Variants in ANKRD9 observed in about 807,000 individuals in gnomAD.
ANKRD9 encodes the protein ankyrin repeat domain-containing protein 9.
In ANKRD9, 13 loss-of-function variants were observed where a neutral mutation model predicts 19.2. The ratio of observed to expected loss-of-function variants is 0.68; its 90% CI spans 0.44 to 1.08. The LOEUF (loss-of-function observed/expected upper bound fraction) is 1.08, where lower values mean the gene tolerates loss of function less well. Ranked by LOEUF, ANKRD9 falls within the 50% of genes least tolerant of loss-of-function variation. The probability of loss-of-function intolerance (pLI) is 0.00; values close to 1 mark genes in which losing one functional copy is unlikely to be tolerated. For missense variants in ANKRD9, 518 were observed against 499.9 expected (o/e 1.04, Z -0.34); for synonymous variants, 278 against 256.8 (o/e 1.08, Z -0.79).
At position 102,503,581 on chromosome 14, in the gene ANKRD9, C is replaced by T. The variant is rs1470701121; in HGVS notation, c.*3355G>A. The T allele has an allele frequency of 1.3e-5, 2 of 152,194 alleles. No homozygotes were observed. Among genetic ancestry groups the T allele is most frequent in the Non-Finnish European group, 2.9e-5 (2 of 68,046 alleles). 9.4% of individuals were successfully genotyped at this position (152,194 alleles called of 1,614,324 possible). A position where few individuals can be genotyped will look rare whatever the true frequency, so the allele number is the denominator to read the frequency against. ...ACAGGTGTGAGCCACCGCGCCCAGC[C>T]TTTCCTTCCATCTTGATTGCAGTGG... On this transcript the variant is annotated 3_prime_UTR_variant, in exon 4 of 4. Transcript: ENST00000286918.
In ANKRD9 at chr14:102,505,079, A is replaced by C. The variant is rs1891549904; in HGVS notation, c.*1857T>G. ...AGGGGGCTAGCCCTGGGCCTCTGGCATTGTGGAGGCTGACCTATAGAGAAC... is the reference window on the plus strand; with the variant it reads ...AGGGGGCTAGCCCTGGGCCTCTGGCCTTGTGGAGGCTGACCTATAGAGAAC... On this transcript the variant is annotated 3_prime_UTR_variant, in exon 4 of 4. Transcript: ENST00000286918. The C allele has an allele frequency of 6.5e-6, 1 of 152,708 alleles. No homozygotes were observed. Among genetic ancestry groups the C allele is most frequent in the Non-Finnish European group, 1.5e-5 (1 of 68,452 alleles). The allele number at this position is 152,708 out of a possible 1,614,324, so 9.5% of individuals were successfully genotyped here.
chr14:102,507,669 T>A lies in ANKRD9; in HGVS notation c.221A>T (p.Glu74Val), dbSNP rs1238624458. ...RGRAAAYSPS[E>V]ALLYALVHDH... ...GTGCACGAGCGCGTAGAGCAGCGCC[T>A]CAGAGGGCGAGTAGGCGGCGGCGCG... The change falls in exon 4 of 4, where the codon GAG (glutamate) becomes GTG (valine). Residue 74 changes from glutamate to valine, a missense_variant. By Grantham distance (121) the Glu-to-Val change is moderately radical. Coordinates refer to ENST00000286918, the MANE Select transcript of ANKRD9 (RefSeq NM_152326.4). The surrounding 1 kb of genome is among the most constrained non-coding windows in gnomAD (Gnocchi z 9.2). The A allele has an allele frequency of 6.4e-7, 1 of 1,556,014 alleles. No individual in the cohort carries two copies. Among genetic ancestry groups the A allele is most frequent in the South Asian group, 1.1e-5 (1 of 87,346 alleles).
Position 102,507,921 on chromosome 14 carries a change from C to T in ANKRD9, c.-32G>A. ...GGCGGGGCGTTCCTGGGCCTCAAGG[C>T]ATGGATCCCGCGAAGGCACACCTGC... is the stretch of plus-strand genomic sequence containing the variant. On this transcript the variant is annotated 5_prime_UTR_variant, in exon 4 of 4. An upstream start codon of the reference 5' UTR is lost. Transcript: ENST00000286918. The surrounding 1 kb of genome is among the most constrained non-coding windows in gnomAD (Gnocchi z 9.2). 9.1e-7 allele frequency: 1 copy of T among 1,102,970 alleles called. No individual in the cohort carries two copies. The highest frequency in any genetic ancestry group is 4.3e-5 in the South Asian group (1 of 23,058). 68.3% of individuals were successfully genotyped at this position (1,102,970 alleles called of 1,614,324 possible).
In ANKRD9 at chr14:102,502,749, T is replaced by G. The variant is rs948316376; in HGVS notation, c.*4187A>C. On this transcript the variant is annotated 3_prime_UTR_variant, in exon 4 of 4. Transcript: ENST00000286918. ...CTAGCAGTGCTTGTATGCGTGCAGATGACGCACTCAGTCAGCGCCTTTACT... is the reference window on the plus strand; with the variant it reads ...CTAGCAGTGCTTGTATGCGTGCAGAGGACGCACTCAGTCAGCGCCTTTACT... 1 of 152,210 alleles carries G rather than the reference T, an allele frequency of 6.6e-6. No individual in the cohort carries two copies. The highest frequency in any genetic ancestry group is 1.5e-5 in the Non-Finnish European group (1 of 68,032). 9.4% of individuals were successfully genotyped at this position (152,210 alleles called of 1,614,324 possible). A position where few individuals can be genotyped will look rare whatever the true frequency, so the allele number is the denominator to read the frequency against.
Position 102,507,741 on chromosome 14 carries a change from A to T in ANKRD9, c.149T>A (p.Leu50Gln). The T allele has an allele frequency of 6.7e-7, 1 of 1,498,864 alleles. No individual in the cohort carries two copies. Among genetic ancestry groups the T allele is most frequent in the East Asian group, 2.6e-5 (1 of 38,022 alleles). The allele number at this position is 1,498,864 out of a possible 1,614,324, so 92.8% of individuals were successfully genotyped here. ...GGCCTCGCTGGCGCGCATATCCTCC[A>T]GCAGCCACACGGGTAGCAGGTCGCG... is the stretch of plus-strand genomic sequence containing the variant. ...AVRDLLPVWL[L>Q]EDMRASEAFH... The change falls in exon 4 of 4, where the codon CTG becomes CAG. Residue 50 changes from leucine (L) to glutamine (Q), a missense_variant. Transcript: ENST00000286918. This position sits in a 1 kb window ranked among gnomAD's most constrained non-coding sequence, Gnocchi z 9.2.
rs1453916643 is a variant in ANKRD9 at position 102,505,909 on chromosome 14, G to C, written c.*1027C>G. On this transcript the variant is annotated 3_prime_UTR_variant, in exon 4 of 4. Transcript: ENST00000286918. ...CCTCCTGCCCACGTTGGTGCGGGTT[G>C]AATTTGACGGCCCAGCAGAATTCCC... 2.6e-5 allele frequency: 4 copies of C among 152,260 alleles called. No homozygotes were observed. In the South Asian group the frequency reaches 8.3e-4, roughly 31 times the overall value. The allele number at this position is 152,260 out of a possible 1,614,324, so 9.4% of individuals were successfully genotyped here.
rs1370627121 is a variant in ANKRD9, at chr14:102,503,410, A to C, written c.*3526T>G. 2.7e-5 allele frequency: 4 copies of C among 149,300 alleles called. No homozygotes were observed. In the Admixed American group the frequency reaches 2.7e-4, roughly 10 times the overall value. 9.2% of individuals were successfully genotyped at this position (149,300 alleles called of 1,614,324 possible). A position where few individuals can be genotyped will look rare whatever the true frequency, so the allele number is the denominator to read the frequency against. On this transcript the variant is annotated 3_prime_UTR_variant, in exon 4 of 4. Coordinates refer to ENST00000286918, the MANE Select transcript of ANKRD9 (RefSeq NM_152326.4). Reference sequence around the variant, plus strand: ...GCAATTCTCCTGCCTCAGCCTCCTGAGTAGCTGGGAGTACAGGTGCCTGCC... The same window carrying C: ...GCAATTCTCCTGCCTCAGCCTCCTGCGTAGCTGGGAGTACAGGTGCCTGCC...
rs2139810304 is a variant in ANKRD9, at chr14:102,503,642, CA to C, written c.*3293del. 1 of 152,256 alleles carries C rather than the reference CA, an allele frequency of 6.6e-6. No homozygotes were observed. The highest frequency in any genetic ancestry group is 1.9e-4 in the East Asian group (1 of 5,182). 9.4% of individuals were successfully genotyped at this position (152,256 alleles called of 1,614,324 possible). A position where few individuals can be genotyped will look rare whatever the true frequency, so the allele number is the denominator to read the frequency against. On this transcript the variant is annotated 3_prime_UTR_variant, in exon 4 of 4. Transcript: ENST00000286918. ...CATGTAGACATTCATCAGAACTCATCAAAGTATACACTTAAGTCTGTGCATT... is the reference window on the plus strand; with the variant it reads ...CATGTAGACATTCATCAGAACTCATCAAGTATACACTTAAGTCTGTGCATT...
Position 102,504,546 on chromosome 14 carries a change from G to A in ANKRD9, c.*2390C>T, listed in dbSNP as rs1258181909. 6.5e-6 allele frequency: 1 copy of A among 152,748 alleles called. No homozygotes were observed. Among genetic ancestry groups the A allele is most frequent in the African/African-American group, 2.4e-5 (1 of 41,456 alleles). 9.5% of individuals were successfully genotyped at this position (152,748 alleles called of 1,614,324 possible). On this transcript the variant is annotated 3_prime_UTR_variant, in exon 4 of 4. Transcript: ENST00000286918. ...AGAAGACTGATAAGCTAAACCCAGG[G>A]CCTCCCTCGGCTGCTTATCTGCCCA...
In ANKRD9 at chr14:102,501,851, CT is replaced by C. The variant is rs1447360330; in HGVS notation, c.*5084del. ...GCCCTTCACAAAAGCAGAAGGAACA[CT>C]GGCCCAAACCCCCAGCACCCCGGAA... On this transcript the variant is annotated 3_prime_UTR_variant, in exon 4 of 4. Coordinates refer to ENST00000286918, the MANE Select transcript of ANKRD9 (RefSeq NM_152326.4). The C allele has an allele frequency of 6.6e-6, 1 of 152,226 alleles. No individual in the cohort carries two copies. Among genetic ancestry groups the C allele is most frequent in the Non-Finnish European group, 1.5e-5 (1 of 68,042 alleles). 9.4% of individuals were successfully genotyped at this position (152,226 alleles called of 1,614,324 possible).
Position 102,507,947 on chromosome 14 carries a change from G to C in ANKRD9, c.-53-5C>G. ...ATGGATCCCGCGAAGGCACACCTGC[G>C]GGGAAAGGAAGAGGCCACGGTGAGG... On this transcript the variant is annotated splice_region_variant and splice_polypyrimidine_tract_variant and intron_variant, in intron 3 of 3. Transcript: ENST00000286918. This position sits in a 1 kb window ranked among gnomAD's most constrained non-coding sequence, Gnocchi z 9.2. 1 of 1,093,868 alleles carries C rather than the reference G, an allele frequency of 9.1e-7. No individual in the cohort carries two copies. The allele number at this position is 1,093,868 out of a possible 1,614,324, so 67.8% of individuals were successfully genotyped here.
At position 102,507,894 on chromosome 14, in the gene ANKRD9, G is replaced by C. The variant is rs2139815416; in HGVS notation, c.-5C>G. ...CCGCCGCGCGTCCCACGGCATGCTG[G>C]CGGCGGGGCGTTCCTGGGCCTCAAG... On this transcript the variant is annotated 5_prime_UTR_variant, in exon 4 of 4. Coordinates refer to ENST00000286918, the MANE Select transcript of ANKRD9 (RefSeq NM_152326.4). This position sits in a 1 kb window ranked among gnomAD's most constrained non-coding sequence, Gnocchi z 9.2. 9.0e-7 allele frequency: 1 copy of C among 1,112,452 alleles called. No homozygotes were observed. The highest frequency in any genetic ancestry group is 1.1e-6 in the Non-Finnish European group (1 of 902,214). The allele number at this position is 1,112,452 out of a possible 1,614,324, so 68.9% of individuals were successfully genotyped here.
In ANKRD9 at chr14:102,502,616, TACTA is replaced by T. The variant is rs1328640278; in HGVS notation, c.*4316_*4319del. The T allele has an allele frequency of 6.6e-6, 1 of 152,248 alleles. No individual in the cohort carries two copies. Among genetic ancestry groups the T allele is most frequent in the Non-Finnish European group, 1.5e-5 (1 of 68,026 alleles). 9.4% of individuals were successfully genotyped at this position (152,248 alleles called of 1,614,324 possible). ...TTATACTACATTAAGGTTAAAAAAA[TACTA>T]AATTGTGTAACTGATCTGGTTTCAT... On this transcript the variant is annotated 3_prime_UTR_variant, in exon 4 of 4. Coordinates refer to ENST00000286918, the MANE Select transcript of ANKRD9 (RefSeq NM_152326.4).
At position 102,507,691 on chromosome 14, in the gene ANKRD9, C is replaced by T; in HGVS notation, c.199G>A (p.Ala67Thr). ...EAFHWDERGR[A>T]AAYSPSEALL... ...GCCTCAGAGGGCGAGTAGGCGGCGG[C>T]GCGCCCGCGCTCGTCCCAGTGGAAG... The change falls in exon 4 of 4, where the codon GCC becomes ACC. Residue 67 changes from alanine (A) to threonine (T), a missense_variant. Coordinates refer to ENST00000286918, the MANE Select transcript of ANKRD9 (RefSeq NM_152326.4). The surrounding 1 kb of genome is among the most constrained non-coding windows in gnomAD (Gnocchi z 9.2). 2 of 1,548,798 alleles carry T rather than the reference C, an allele frequency of 1.3e-6. No individual in the cohort carries two copies. Among genetic ancestry groups the T allele is most frequent in the Non-Finnish European group, 1.7e-6 (2 of 1,153,392 alleles).
Position 102,507,419 on chromosome 14 carries a change from C to T in ANKRD9, c.471G>A (p.Glu157=), listed in dbSNP as rs1453020368. The T allele has an allele frequency of 5.5e-5, 75 of 1,372,454 alleles. 1 individual carries two copies. In the Admixed American group the frequency reaches 8.9e-4, roughly 16 times the overall value. 85.0% of individuals were successfully genotyped at this position (1,372,454 alleles called of 1,614,324 possible). A position where few individuals can be genotyped will look rare whatever the true frequency, so the allele number is the denominator to read the frequency against. The part of the protein sequence containing the change: ...VLDRRGCSRV[E]GGGTSLHVAC... The stretch of plus-strand genomic sequence containing the variant: ...CCACGTGCAGCGACGTGCCACCGCC[C>T]TCCACGCGGCTGCAGCCACGCCGGT... Residue 157 remains glutamate, a synonymous_variant, in exon 4 of 4, where the codon GAG becomes GAA. Coordinates refer to ENST00000286918, the MANE Select transcript of ANKRD9 (RefSeq NM_152326.4). This position sits in a 1 kb window ranked among gnomAD's most constrained non-coding sequence, Gnocchi z 9.2.
intron 1 of ANKRD9, 190 bp from the exon 2 acceptor site, chr14:102,509,036 G>A (rs1891702592): frequency 6.6e-6 from 1 of 152,316 alleles, no homozygotes; most frequent in Non-Finnish European, 1.5e-5. Context: ...TAAGCCCTTG[G>A]TCACAAGGGG....
Position 102,507,373 on chromosome 14 carries a change from C to A in ANKRD9, c.517G>T (p.Glu173Ter). The A allele has an allele frequency of 1.5e-6, 2 of 1,329,922 alleles. No homozygotes were observed. Among genetic ancestry groups the A allele is most frequent in the Non-Finnish European group, 1.9e-6 (2 of 1,038,390 alleles). 82.4% of individuals were successfully genotyped at this position (1,329,922 alleles called of 1,614,324 possible). ...LHVACELARP[E>*]CLFLLLGHGA... ...TGGCCCAGCAGCAGGAAGAGGCACT[C>A]GGGGCGCGCCAGCTCACAGGCCACG... is the stretch of plus-strand genomic sequence containing the variant. Residue 173 changes from glutamate (E) to a stop codon, truncating the protein, a stop_gained, in exon 4 of 4, where the codon GAG (glutamate) becomes TAG (stop). Coordinates refer to ENST00000286918, the MANE Select transcript of ANKRD9 (RefSeq NM_152326.4). LOFTEE classifies it high-confidence loss of function. This position sits in a 1 kb window ranked among gnomAD's most constrained non-coding sequence, Gnocchi z 9.2.
rs1401809462 is a variant in ANKRD9 at position 102,508,009 on chromosome 14, G to A, written c.-53-67C>T. On this transcript the variant is annotated intron_variant, in intron 3 of 3. Transcript: ENST00000286918. This position sits in a 1 kb window ranked among gnomAD's most constrained non-coding sequence, Gnocchi z 6.2. ...TGGGGAGGCCCGGGGACTCCCCTCT[G>A]CCCCTCACACAGCCCCTCCGGTCCT... The A allele has an allele frequency of 2.9e-6, 3 of 1,017,368 alleles. No homozygotes were observed. Among genetic ancestry groups the A allele is most frequent in the Non-Finnish European group, 3.6e-6 (3 of 834,702 alleles). The allele number at this position is 1,017,368 out of a possible 1,614,324, so 63.0% of individuals were successfully genotyped here.
Position 102,503,634 on chromosome 14 carries a change from G to C in ANKRD9, c.*3302C>G, listed in dbSNP as rs180714687. 1 of 152,208 alleles carries C rather than the reference G, an allele frequency of 6.6e-6. No individual in the cohort carries two copies. The highest frequency in any genetic ancestry group is 6.5e-5 in the Admixed American group (1 of 15,290). 9.4% of individuals were successfully genotyped at this position (152,208 alleles called of 1,614,324 possible). A position where few individuals can be genotyped will look rare whatever the true frequency, so the allele number is the denominator to read the frequency against. The stretch of plus-strand genomic sequence containing the variant: ...ATTACACACATGTAGACATTCATCA[G>C]AACTCATCAAAGTATACACTTAAGT... On this transcript the variant is annotated 3_prime_UTR_variant, in exon 4 of 4. Coordinates refer to ENST00000286918, the MANE Select transcript of ANKRD9 (RefSeq NM_152326.4).
Sources: allele counts gnomAD v4.1 joint callset, GRCh38; gene constraint gnomAD v4.1.1; non-coding constraint Gnocchi (gnomAD v3.1); transcripts MANE v1.5; gene names NCBI Gene and HGNC (gene_info 2026-07-23, HGNC 2026-07-21).